Variants in NGRN observed in about 807,000 individuals in gnomAD.
NGRN encodes neugrin.
Under a neutral mutation model 13.1 loss-of-function variants are expected in NGRN, and 12 were observed. That is an observed-to-expected ratio of 0.92 (90% CI 0.59 to 1.49). NGRN has a LOEUF of 1.49. Among genes scored for constraint, NGRN ranks in the 40% most tolerant of loss-of-function variants. The pLI, the probability that NGRN is intolerant of heterozygous loss-of-function variation, is 0.00. For synonymous variants in NGRN, 149 were observed against 145.8 expected (o/e 1.02, Z -0.16); for missense variants, 397 against 357.0 (o/e 1.11, Z -0.90).
chr15:90,271,105 C>G, intron 2 of NGRN, 83 bp from the exon 3 acceptor site: 1 of 1,497,174 alleles, frequency 6.7e-7, no homozygotes, highest in African/African-American at 1.4e-5. Context: ...CTCAACCCCT[C>G]TTCTTTATCA....
At chr15:90,269,073 G>A (rs1304109124) in intron 2 of NGRN, among the ~76,000 whole-genome samples, 1 of 137,554 alleles carries the variant, frequency 7.3e-6, no homozygotes. Context: ...TTGGCTCACT[G>A]CAACCTCTGC....
Position 90,271,935 on chromosome 15 carries a change from G to A in NGRN, c.*147G>A, listed in dbSNP as rs1029883753. ...CTGGACTGTGGGAGGAAAGAGCTGC[G>A]TGGATAGATTCAAACTTCCTGTGGT... is the stretch of plus-strand genomic sequence containing the variant. On this transcript the variant is annotated 3_prime_UTR_variant, in exon 3 of 3. Coordinates refer to ENST00000379095, the MANE Select transcript of NGRN (RefSeq NM_001033088.3). 31 of 1,098,272 alleles carry A rather than the reference G, an allele frequency of 2.8e-5. No homozygotes were observed. Among genetic ancestry groups the A allele is most frequent in the Non-Finnish European group, 3.5e-5 (27 of 780,632 alleles). 68.0% of individuals were successfully genotyped at this position (1,098,272 alleles called of 1,614,324 possible).
Position 90,271,742 on chromosome 15 carries a change from G to T in NGRN, c.830G>T (p.Gly277Val), listed in dbSNP as rs1367469841. 4.3e-6 allele frequency: 7 copies of T among 1,614,076 alleles called. No individual in the cohort carries two copies. The African/African-American group carries it at 6.7e-5, about 15-fold the overall frequency. ...DNFSSKVVQR[G>V]REFFDSNGNF... is the part of the protein sequence containing the mutation. ...TTCAGCAGCAAAGTAGTGCAGAGGGGCCGAGAGTTCTTTGACAGCAACGGG... is the reference window on the plus strand; with the variant it reads ...TTCAGCAGCAAAGTAGTGCAGAGGGTCCGAGAGTTCTTTGACAGCAACGGG... The change falls in exon 3 of 3, where the codon GGC becomes GTC. Residue 277 changes from glycine (G) to valine (V), a missense_variant. Physicochemically the swap from Gly to Val is moderately radical, Grantham distance 109. Transcript: ENST00000379095.
intron 1 of NGRN, 151 bp downstream of exon 1, chr15:90,266,027 T>G: frequency 1.4e-6 from 2 of 1,392,002 alleles, no homozygotes; most frequent in Non-Finnish European, 1.8e-6. Flanking sequence ...GCGTCAGGTG[T>G]TCAGCTCCCC....
At chr15:90,266,267 C>T (rs771622967) in intron 1 of NGRN, 21 bp from the exon 2 acceptor site, 27 of 1,608,252 alleles carry the variant, frequency 1.7e-5, no homozygotes, top group Middle Eastern at 1.7e-4. Flanking sequence ...ATGGCTTCTG[C>T]CATTGGTTCT....
chr15:90,269,821 A>G (rs186555883), intron 2 of NGRN, among the ~76,000 whole-genome samples: 16 of 152,252 alleles, frequency 1.1e-4, no homozygotes, highest in Admixed American at 8.5e-4. Flanking sequence ...TGTTTTTCCT[A>G]TAACCTACTG....
rs191510984 is a variant in NGRN, at chr15:90,269,326, T to A, written c.276-1862T>A. 8.4e-3 allele frequency among the ~76,000 whole-genome samples: 1,278 copies of A among 151,840 alleles called. 20 individuals carry two copies. Among genetic ancestry groups the A allele is most frequent in the African/African-American group, 0.03 (1,232 of 41,428 alleles). On this transcript the variant is annotated intron_variant, in intron 2 of 2. Transcript: ENST00000379095. ...TGAGCCACCATACCCAGCCTTTTTT[T>A]ATTTTTATTATTTTAATTTTACTTT... is the stretch of plus-strand genomic sequence containing the variant.
Position 90,271,580 on chromosome 15 carries a change from C to A in NGRN, c.668C>A (p.Pro223His), listed in dbSNP as rs1274695413. ...EIQDLEESFV[P>H]VAAPLGHPRE... is the part of the protein sequence containing the mutation. Reference sequence around the variant, plus strand: ...CAGGACCTGGAGGAGAGCTTTGTGCCTGTTGCTGCACCCCTAGGTCATCCA... The same window carrying A: ...CAGGACCTGGAGGAGAGCTTTGTGCATGTTGCTGCACCCCTAGGTCATCCA... The change falls in exon 3 of 3, where the codon CCT becomes CAT. Residue 223 changes from proline to histidine, a missense_variant. Transcript: ENST00000379095. The A allele has an allele frequency of 6.2e-7, 1 of 1,614,172 alleles. No homozygotes were observed. Among genetic ancestry groups the A allele is most frequent in the Admixed American group, 1.7e-5 (1 of 60,012 alleles).
chr15:90,265,916 C>T (rs1387752422), intron 1 of NGRN, 40 bp downstream of exon 1: 5 of 1,451,982 alleles, frequency 3.4e-6, no homozygotes, highest in Non-Finnish European at 4.5e-6. Flanking sequence ...GAAGCAGGGC[C>T]TCGTGCCCCG....
intron 2 of NGRN, 48 bp downstream of exon 2, chr15:90,266,446 G>A (rs751197722): frequency 2.1e-6 from 3 of 1,453,606 alleles, no homozygotes; most frequent in Non-Finnish European, 2.8e-6. Context: ...GAGAAGTGAA[G>A]GATGCTGGAG....
Position 90,265,862 on chromosome 15 carries a change from G to A in NGRN, c.150G>A (p.Leu50=), listed in dbSNP as rs373792155. The A allele has an allele frequency of 1.5e-4, 240 of 1,599,876 alleles. No homozygotes were observed. The highest frequency in any genetic ancestry group is 2.0e-4 in the Non-Finnish European group (234 of 1,173,784). Residue 50 remains leucine (L), a synonymous_variant, in exon 1 of 3, where the codon CTG becomes CTA. Coordinates refer to ENST00000379095, the MANE Select transcript of NGRN (RefSeq NM_001033088.3). ...ACTGGGAGCCGGAGGAACGGGAGCT[G>A]CAGGAGGTGGAGAGGTACCGGCTTC... The part of the protein sequence containing the change: ...DSDWEPEERE[L]QEVESTLKRQ...
At position 90,265,861 on chromosome 15, in the gene NGRN, T is replaced by G. The variant is rs771609595; in HGVS notation, c.149T>G (p.Leu50Arg). The change falls in exon 1 of 3, where the codon CTG becomes CGG. Residue 50 changes from leucine (L) to arginine (R), a missense_variant. Leu to Arg is a moderately radical substitution (Grantham distance 102). Transcript: ENST00000379095. ...DSDWEPEERE[L>R]QEVESTLKRQ... is the part of the protein sequence containing the mutation. ...GACTGGGAGCCGGAGGAACGGGAGC[T>G]GCAGGAGGTGGAGAGGTACCGGCTT... 1 of 1,600,900 alleles carries G rather than the reference T, an allele frequency of 6.2e-7. No individual in the cohort carries two copies. Among genetic ancestry groups the G allele is most frequent in the Non-Finnish European group, 8.5e-7 (1 of 1,174,170 alleles).
chr15:90,266,340 A>C lies in NGRN; in HGVS notation c.217A>C (p.Met73Leu), dbSNP rs531654356. 5 of 1,613,968 alleles carry C rather than the reference A, an allele frequency of 3.1e-6. No individual in the cohort carries two copies. The highest frequency in any genetic ancestry group is 4.2e-6 in the Non-Finnish European group (5 of 1,179,954). Residue 73 changes from methionine (M) to leucine (L), a missense_variant, in exon 2 of 3, where the codon ATG becomes CTG. By Grantham distance (15) the Met-to-Leu change is conservative. Transcript: ENST00000379095. ...AIRFQKIRRQ[M>L]EAPGAPPRTL... The stretch of plus-strand genomic sequence containing the variant: ...CCGATTCCAGAAAATTCGGAGGCAA[A>C]TGGAGGCGCCTGGTGCCCCGCCCAG...
At chr15:90,271,141 A>C (rs529788409) in intron 2 of NGRN, 47 bp from the exon 3 acceptor site, 2 of 1,578,104 alleles carry the variant, frequency 1.3e-6, no homozygotes, top group Admixed American at 3.7e-5. Context: ...AGATGTTCTG[A>C]TAGGAGACTT....
At chr15:90,270,296 A>G (rs1027170943) in intron 2 of NGRN, among the ~76,000 whole-genome samples, 3 of 152,176 alleles carry the variant, frequency 2.0e-5, no homozygotes, top group African/African-American at 7.2e-5. Flanking sequence ...AGTGTGATCT[A>G]CTTCTTACCC....
chr15:90,268,351 C>T (rs1963457844), intron 2 of NGRN, among the ~76,000 whole-genome samples: 1 of 151,148 alleles, frequency 6.6e-6, no homozygotes, highest in African/African-American at 2.4e-5. Context: ...CACCTTCCTA[C>T]TTATCTCCCT....
chr15:90,271,006 C>T (rs1269562022), intron 2 of NGRN, among the ~76,000 whole-genome samples, 182 bp from the exon 3 acceptor site: 1 of 152,080 alleles, frequency 6.6e-6, no homozygotes, highest in Admixed American at 6.5e-5. Flanking sequence ...GCACAAGAAT[C>T]ACTGGTCTCG....
chr15:90,266,053 C>T (rs1429982684), intron 1 of NGRN, 177 bp downstream of exon 1: 1 of 1,423,318 alleles, frequency 7.0e-7, no homozygotes, highest in Non-Finnish European at 9.1e-7. Flanking sequence ...CCACTGGTCC[C>T]TTCATTAGTG....
At chr15:90,270,878 AGTGCAGTG>A (rs1395083146) in intron 2 of NGRN, among the ~76,000 whole-genome samples, 7 of 152,194 alleles carry the variant, frequency 4.6e-5, no homozygotes, top group Admixed American at 1.3e-4. Context: ...CCCAGGCTGG[AGTGCAGTG>A]GTGCAGTGGT....
Sources: allele counts gnomAD v4.1 joint callset (sites outside exome capture counted in the v4.1 genomes callset), GRCh38; gene constraint gnomAD v4.1.1; transcripts MANE v1.5; gene names NCBI Gene and HGNC (gene_info 2026-07-23, HGNC 2026-07-21).